Variants in ME3 observed in about 807,000 individuals in gnomAD.
The protein encoded by ME3 is malic enzyme 3.
A neutral mutation model predicts 68.9 loss-of-function variants in ME3; 48 were observed. The ratio of observed to expected loss-of-function variants is 0.70; its 90% CI spans 0.55 to 0.89. ME3 has a LOEUF of 0.89. Among genes scored for constraint, ME3 ranks in the 40% least tolerant of loss-of-function variants. ME3 has a pLI of 0.00. For missense variants in ME3, 675 were observed against 797.4 expected (o/e 0.85, Z 1.85); for synonymous variants, 320 against 318.8 (o/e 1.00, Z -0.04).
intron 2 of ME3, among the ~76,000 whole-genome samples, chr11:86,665,412 G>A (rs1031915142): frequency 2.0e-5 from 3 of 152,166 alleles, no homozygotes; most frequent in African/African-American, 4.8e-5. Flanking sequence ...TGTGGCTATG[G>A]AGGGGTGGTG....
At chr11:86,642,334 G>A (rs1339368604) in intron 2 of ME3, among the ~76,000 whole-genome samples, 6 of 152,180 alleles carry the variant, frequency 3.9e-5, no homozygotes, top group African/African-American at 7.2e-5. Context: ...TTGTGATTGC[G>A]GGCAGTGATG....
intron 2 of ME3, among the ~76,000 whole-genome samples, chr11:86,631,016 G>A (rs1276111501): frequency 6.6e-6 from 1 of 152,254 alleles, no homozygotes; most frequent in Non-Finnish European, 1.5e-5. Flanking sequence ...GGGAGGACTA[G>A]GATGGGAGGA....
At chr11:86,637,623 G>A (rs372540978) in intron 2 of ME3, among the ~76,000 whole-genome samples, 1 of 152,152 alleles carries the variant, frequency 6.6e-6, no homozygotes, top group Non-Finnish European at 1.5e-5. Flanking sequence ...GATGAGGCTC[G>A]ATTGAGACAC....
chr11:86,671,722 G>C, intron 2 of ME3, 40 bp downstream of exon 2: 2 of 1,589,526 alleles, frequency 1.3e-6, no homozygotes, highest in Non-Finnish European at 8.5e-7. Context: ...CGGCAGCCAC[G>C]GGATCGCAAC....
intron 2 of ME3, among the ~76,000 whole-genome samples, chr11:86,662,262 A>T (rs1185515813): frequency 1.3e-5 from 2 of 152,308 alleles, no homozygotes; most frequent in Non-Finnish European, 2.9e-5. Flanking sequence ...CAGTTCTGCC[A>T]CTATGAGTTG....
Position 86,498,138 on chromosome 11 carries a change from G to T in ME3, c.544-14C>A, listed in dbSNP as rs755833129. 52 of 1,604,312 alleles carry T rather than the reference G, an allele frequency of 3.2e-5. No homozygotes were observed. The highest frequency in any genetic ancestry group is 4.3e-5 in the Non-Finnish European group (50 of 1,175,502). On this transcript the variant is annotated splice_polypyrimidine_tract_variant and intron_variant, in intron 5 of 14. Coordinates refer to ENST00000543262, the Ensembl canonical transcript of ME3. ...CACCACCACGGCCTGAAAAACAGCAGGGCACCATCAATCAGGGACAGCACT... is the reference window on the plus strand; with the variant it reads ...CACCACCACGGCCTGAAAAACAGCATGGCACCATCAATCAGGGACAGCACT...
intron 2 of ME3, among the ~76,000 whole-genome samples, chr11:86,615,936 C>T (rs1328796609): frequency 6.6e-6 from 1 of 152,142 alleles, no homozygotes; most frequent in Non-Finnish European, 1.5e-5. Context: ...TCATAAACAT[C>T]CTAATTGCAT....
chr11:86,667,431 A>G (rs1201621463), intron 2 of ME3, among the ~76,000 whole-genome samples: 2 of 152,352 alleles, frequency 1.3e-5, no homozygotes, highest in East Asian at 3.9e-4. Flanking sequence ...CAAATGGGCC[A>G]TATGTAGGCA....
chr11:86,635,235 T>C (rs1944260795), intron 2 of ME3, among the ~76,000 whole-genome samples: 1 of 152,004 alleles, frequency 6.6e-6, no homozygotes, highest in Non-Finnish European at 1.5e-5. Flanking sequence ...AAGAAGAGGA[T>C]TGGGTGATTG....
At chr11:86,509,756 CA>C (rs5793200) in intron 4 of ME3, among the ~76,000 whole-genome samples, 78,245 of 102,398 alleles carry the variant, frequency 0.76, 28,984 homozygotes, top group South Asian at 0.82. Context: ...GGGGGATTGG[CA>C]AAAAAAAAAA....
intron 5 of ME3, among the ~76,000 whole-genome samples, chr11:86,500,180 T>G (rs1160555703): frequency 6.6e-6 from 1 of 152,206 alleles, no homozygotes; most frequent in Non-Finnish European, 1.5e-5. Flanking sequence ...TTCTCTATCA[T>G]CTCTCCTAAT....
intron 2 of ME3, among the ~76,000 whole-genome samples, chr11:86,643,308 T>G (rs1315242087): frequency 1.2e-4 from 3 of 25,430 alleles, no homozygotes; most frequent in Non-Finnish European, 2.7e-4. Flanking sequence ...CAGCAGCCCA[T>G]GCCCCCTACC....
intron 2 of ME3, among the ~76,000 whole-genome samples, chr11:86,595,499 G>A (rs1959267535): frequency 6.6e-6 from 1 of 151,992 alleles, no homozygotes; most frequent in Admixed American, 6.6e-5. Flanking sequence ...TGCCTTTAGA[G>A]TCTGTGCTCT....
At chr11:86,567,877 C>T (rs1316545828) in intron 2 of ME3, among the ~76,000 whole-genome samples, 2 of 152,106 alleles carry the variant, frequency 1.3e-5, no homozygotes, top group African/African-American at 4.8e-5. Context: ...TATTTCTCTA[C>T]AAAAGAAATA....
In ME3 at chr11:86,615,566, G is replaced by A. The variant is rs374178804; in HGVS notation, c.184-55743C>T. On this transcript the variant is annotated intron_variant, in intron 2 of 14. Transcript: ENST00000543262. ...TGGGATGACTTATCAAGATCACAGA[G>A]CTAATAAGAGTTCACCTCTGTCTGA... Among the ~76,000 whole-genome samples, 3 of 152,312 alleles carry A rather than the reference G, an allele frequency of 2.0e-5. No homozygotes were observed. In the East Asian group the frequency reaches 5.8e-4, roughly 29 times the overall value.
intron 4 of ME3, among the ~76,000 whole-genome samples, chr11:86,510,740 GAAA>G (rs1953458452): frequency 6.6e-6 from 1 of 152,034 alleles, no homozygotes; most frequent in Non-Finnish European, 1.5e-5. Flanking sequence ...TCCCCTGGAG[GAAA>G]AAAATTATCC....
intron 2 of ME3, among the ~76,000 whole-genome samples, chr11:86,618,524 C>T (rs1943134263): frequency 6.6e-6 from 1 of 151,966 alleles, no homozygotes; most frequent in South Asian, 2.1e-4. Context: ...TAAATCTAAA[C>T]ATACACAGCC....
chr11:86,503,125 C>T (rs1278975128), intron 5 of ME3, among the ~76,000 whole-genome samples: 2 of 152,198 alleles, frequency 1.3e-5, no homozygotes, highest in Admixed American at 6.5e-5. Flanking sequence ...CTTGGTTCCA[C>T]TTCTCCCTTG....
chr11:86,564,235 C>A (rs1415783459), intron 2 of ME3, among the ~76,000 whole-genome samples: 1 of 151,880 alleles, frequency 6.6e-6, no homozygotes, highest in Non-Finnish European at 1.5e-5. Flanking sequence ...GGTAAAGTAT[C>A]AGTTCAAATA....
Sources: allele counts gnomAD v4.1 joint callset (sites outside exome capture counted in the v4.1 genomes callset), GRCh38; gene constraint gnomAD v4.1.1; transcripts MANE v1.5; gene names NCBI Gene and HGNC (gene_info 2026-07-23, HGNC 2026-07-21).